Variants in CACNA1B observed in about 807,000 individuals in gnomAD.
The protein encoded by CACNA1B is calcium voltage-gated channel subunit alpha1 B.
CACNA1B carries 70 observed loss-of-function variants against 247.2 expected under a neutral mutation model. The observed-to-expected ratio is 0.28, with a 90% CI of 0.23 to 0.35. CACNA1B has a LOEUF of 0.35. Among genes scored for constraint, CACNA1B ranks in the 10% least tolerant of loss-of-function variants. CACNA1B has a pLI of 1.00. For synonymous variants in CACNA1B, 1,231 were observed against 1,294.4 expected, an observed-to-expected ratio of 0.95 and a Z score of 1.05; for missense variants, 2,367 against 3,197.4, an observed-to-expected ratio of 0.74 and a Z score of 6.26.
At chr9:138,110,104 TATATATATATATAC>T (rs1961570964) in intron 39 of CACNA1B, among the ~76,000 whole-genome samples, 2 of 142,972 alleles carry the variant, frequency 1.4e-5, no homozygotes, top group Admixed American at 1.4e-4. Flanking sequence ...TGCTATATGA[TATATATATATATAC>T]ATATATATAT....
rs1332746522 is a variant in CACNA1B, at chr9:137,955,698, G to A, written c.1071G>A (p.Gly357=). 3 of 1,608,550 alleles carry A rather than the reference G, an allele frequency of 1.9e-6. No individual in the cohort carries two copies. Among genetic ancestry groups the A allele is most frequent in the Non-Finnish European group, 2.6e-6 (3 of 1,176,302 alleles). Residue 357 remains glycine, a splice_region_variant and synonymous_variant, in exon 8 of 47, where the codon GGG becomes GGA. Transcript: ENST00000371372. This position sits in a 1 kb window ranked among gnomAD's most constrained non-coding sequence, Gnocchi z 6.9. ...TGCTTTTCCGGCCCCTGCATGGTAG[G>A]GAGTTTGCCAAGGAGCGAGAGAGGG... ...MLNLVLGVLS[G]EFAKERERVE...
At chr9:138,000,704 G>A (rs1242276876) in intron 15 of CACNA1B, among the ~76,000 whole-genome samples, 3 of 152,176 alleles carry the variant, frequency 2.0e-5, no homozygotes, top group Non-Finnish European at 2.9e-5. Context: ...AGACCAGAAC[G>A]CAAGCTCCAT....
rs1450561161 is a variant in CACNA1B, at chr9:137,888,322, C to T, written c.530+5439C>T. Among the ~76,000 whole-genome samples the T allele has an allele frequency of 6.6e-6, 1 of 151,944 alleles. No individual in the cohort carries two copies. Among genetic ancestry groups the T allele is most frequent in the Non-Finnish European group, 1.5e-5 (1 of 67,900 alleles). ...CCAGTCTCACGTGCATCCACGCTCC[C>T]AGTCCTGTCCCCACGTCACTGCCTC... On this transcript the variant is annotated intron_variant, in intron 3 of 46. Transcript: ENST00000371372. The surrounding 1 kb of genome is among the most constrained non-coding windows in gnomAD (Gnocchi z 4.7).
At position 138,058,097 on chromosome 9, in the gene CACNA1B, C is replaced by A; in HGVS notation, c.4155C>A (p.Ser1385Arg). 1.2e-6 allele frequency: 2 copies of A among 1,613,942 alleles called. No homozygotes were observed. Among genetic ancestry groups the A allele is most frequent in the Non-Finnish European group, 1.7e-6 (2 of 1,179,794 alleles). The stretch of plus-strand genomic sequence containing the variant: ...CCACCTATGAGGAGCAGGGTCCAAG[C>A]CCTGGGTACCGCATGGAGCTGTCCA... The part of the protein sequence containing the change: ...VDATYEEQGP[S>R]PGYRMELSIF... Residue 1385 changes from serine (S) to arginine (R), a missense_variant, in exon 28 of 47, where the codon AGC becomes AGA. By Grantham distance (110) the Ser-to-Arg change is moderately radical. This residue lies in a region of CACNA1B where 436 missense variants were observed against 679.5 expected (regional missense o/e 0.64). Transcript: ENST00000371372. This position sits in a 1 kb window ranked among gnomAD's most constrained non-coding sequence, Gnocchi z 4.7.
rs778695628 is a variant in CACNA1B at position 138,072,623 on chromosome 9, T to G, written c.4675-865T>G. ...CTAGGTAGACAGAGGGCAGAAAGCC[T>G]CCTGGGTCCACAAGCACCCCCATCT... On this transcript the variant is annotated intron_variant, in intron 32 of 46. Coordinates refer to ENST00000371372, the MANE Select transcript of CACNA1B (RefSeq NM_000718.4). This position sits in a 1 kb window ranked among gnomAD's most constrained non-coding sequence, Gnocchi z 4.5. Among the ~76,000 whole-genome samples the G allele has an allele frequency of 1.3e-5, 2 of 152,180 alleles. No homozygotes were observed. Among genetic ancestry groups the G allele is most frequent in the Non-Finnish European group, 2.9e-5 (2 of 68,032 alleles).
intron 3 of CACNA1B, among the ~76,000 whole-genome samples, chr9:137,895,006 C>T (rs573368948): frequency 6.6e-6 from 1 of 152,258 alleles, no homozygotes; most frequent in East Asian, 1.9e-4. Context: ...TGTTATTTTA[C>T]ATTTTACACA....
At chr9:138,097,954 G>A (rs1961111591) in intron 37 of CACNA1B, among the ~76,000 whole-genome samples, 1 of 152,176 alleles carries the variant, frequency 6.6e-6, no homozygotes, top group Non-Finnish European at 1.5e-5. Flanking sequence ...GGATCCAGAG[G>A]GTGCTGCACG....
chr9:138,047,169 C>G (rs1488817069), intron 22 of CACNA1B, 136 bp downstream of exon 22: 13 of 869,096 alleles, frequency 1.5e-5, no homozygotes, highest in African/African-American at 6.8e-5. Flanking sequence ...TGTCTGTGTG[C>G]CTGGCAGTGC....
intron 22 of CACNA1B, 107 bp from the exon 23 acceptor site, chr9:138,047,292 C>G: frequency 1.1e-6 from 1 of 870,422 alleles, no homozygotes; most frequent in Non-Finnish European, 1.9e-6. Context: ...CTTCCTGGCT[C>G]CCTGGCTGAC....
intron 16 of CACNA1B, among the ~76,000 whole-genome samples, chr9:138,008,535 G>C (rs1047890844): frequency 7.9e-5 from 12 of 152,198 alleles, no homozygotes; most frequent in African/African-American, 2.9e-4. Flanking sequence ...CTCTGGCCTG[G>C]GGTATGCGCT....
At position 137,882,746 on chromosome 9, in the gene CACNA1B, C is replaced by T. The variant is rs774589225; in HGVS notation, c.393C>T (p.Asp131=). Residue 131 remains aspartate, a splice_region_variant and synonymous_variant, in exon 3 of 47, where the codon GAC becomes GAT. Coordinates refer to ENST00000371372, the MANE Select transcript of CACNA1B (RefSeq NM_000718.4). The surrounding 1 kb of genome is among the most constrained non-coding windows in gnomAD (Gnocchi z 4.0). ...CCACTGTTCTGCGCTTCTCCTAGGA[C>T]GACACGGAGCCCTATTTCATCGGGA... ...GDKTPMSERL[D]DTEPYFIGIF... The T allele has an allele frequency of 3.7e-5, 59 of 1,613,922 alleles. No homozygotes were observed. The highest frequency in any genetic ancestry group is 8.0e-5 in the African/African-American group (6 of 75,038).
chr9:138,115,910 T>G (rs1961837423), intron 42 of CACNA1B, among the ~76,000 whole-genome samples: 1 of 152,234 alleles, frequency 6.6e-6, no homozygotes, highest in African/African-American at 2.4e-5. Context: ...TCTCAGGGGC[T>G]GGCTTTGCTA....
intron 41 of CACNA1B, among the ~76,000 whole-genome samples, chr9:138,114,985 G>A (rs962926804): frequency 6.6e-6 from 1 of 152,224 alleles, no homozygotes; most frequent in Non-Finnish European, 1.5e-5. Flanking sequence ...GTGACCATAT[G>A]TAGTCTGTCT....
At chr9:137,953,452 C>A (rs886824453) in intron 7 of CACNA1B, among the ~76,000 whole-genome samples, 1 of 152,216 alleles carries the variant, frequency 6.6e-6, no homozygotes, top group Admixed American at 6.5e-5. Context: ...GGAGCCGAAG[C>A]CTCTGGGCTC....
chr9:138,093,244 A>G (rs1398503078), intron 36 of CACNA1B, among the ~76,000 whole-genome samples: 1 of 151,822 alleles, frequency 6.6e-6, no homozygotes, highest in African/African-American at 2.4e-5. Flanking sequence ...ACATGGCAAA[A>G]CCCTGTCTCT....
intron 36 of CACNA1B, among the ~76,000 whole-genome samples, chr9:138,087,583 C>A (rs1015913854): frequency 6.7e-6 from 1 of 150,338 alleles, no homozygotes; most frequent in African/African-American, 2.4e-5. Context: ...TGTGTGGTAG[C>A]ACGCGCCTGT....
Position 137,975,974 on chromosome 9 carries a change from GC to G in CACNA1B, c.1614del (p.Arg539GlufsTer45). The G allele has an allele frequency of 6.2e-7, 1 of 1,613,656 alleles. No individual in the cohort carries two copies. Among genetic ancestry groups the G allele is most frequent in the Non-Finnish European group, 8.5e-7 (1 of 1,179,570 alleles). On this transcript the variant is annotated frameshift_variant, in exon 12 of 47. Coordinates refer to ENST00000371372, the MANE Select transcript of CACNA1B (RefSeq NM_000718.4). LOFTEE classifies it high-confidence loss of function. ...EMSLKMYGLG[P>X]RSYFRSSFNC... ...TGTCCCTGAAGATGTATGGCCTGGG[GC>G]CCAGAAGCTACTTCCGGTCCTCCTT...
intron 18 of CACNA1B, among the ~76,000 whole-genome samples, chr9:138,013,630 C>T (rs943106118): frequency 6.6e-6 from 1 of 152,232 alleles, no homozygotes; most frequent in African/African-American, 2.4e-5. Flanking sequence ...TAGGTGATAC[C>T]TGAGCAGTCT....
chr9:137,949,568 G>A (rs1342302989), intron 6 of CACNA1B, among the ~76,000 whole-genome samples: 2 of 151,982 alleles, frequency 1.3e-5, no homozygotes, highest in South Asian at 4.2e-4. Flanking sequence ...TTTATCATGA[G>A]GAACTGGCTC....
Sources: gnomAD v4.1 joint callset for allele counts (sites outside exome capture counted in the v4.1 genomes callset) on GRCh38, gnomAD v4.1.1 for gene constraint, gnomAD v4.1.1 regional missense constraint, Gnocchi (gnomAD v3.1) non-coding constraint, MANE v1.5 for transcripts, NCBI Gene and HGNC (gene_info 2026-07-23, HGNC 2026-07-21) for gene names.